Variants in BICDL1 observed in about 807,000 individuals in gnomAD.
BICDL1 encodes BICD family like cargo adaptor 1.
BICDL1 carries 20 observed loss-of-function variants against 76.8 expected under a neutral mutation model. That is an observed-to-expected ratio of 0.26 (90% CI 0.18 to 0.38). The LOEUF (loss-of-function observed/expected upper bound fraction) is 0.38, where lower values mean the gene tolerates loss of function less well. Among genes scored for constraint, BICDL1 ranks in the 10% least tolerant of loss-of-function variants. The pLI, the probability that BICDL1 is intolerant of heterozygous loss-of-function variation, is 1.00. For missense variants in BICDL1, 700 were observed against 798.6 expected, an observed-to-expected ratio of 0.88 and a Z score of 1.49; for synonymous variants, 383 against 337.1, an observed-to-expected ratio of 1.14 and a Z score of -1.49.
chr12:120,067,469 A>G (rs923782511), intron 4 of BICDL1, among the ~76,000 whole-genome samples: 1 of 152,238 alleles, frequency 6.6e-6, no homozygotes, highest in African/African-American at 2.4e-5. Context: ...CATACATATA[A>G]GTATACTTAG....
chr12:120,020,134 C>T (rs187208958), intron 2 of BICDL1, among the ~76,000 whole-genome samples: 55 of 152,300 alleles, frequency 3.6e-4, no homozygotes, highest in Middle Eastern at 3.4e-3. Flanking sequence ...CCAGGGCTCT[C>T]TGGAGAAATG....
At chr12:120,045,888 G>T (rs973591471) in intron 2 of BICDL1, among the ~76,000 whole-genome samples, 16 of 142,988 alleles carry the variant, frequency 1.1e-4, no homozygotes, top group Non-Finnish European at 2.1e-4. Flanking sequence ...CCTGCACATT[G>T]TGCACATGTA....
intron 2 of BICDL1, among the ~76,000 whole-genome samples, chr12:120,050,502 C>T (rs1398154382): frequency 2.6e-5 from 4 of 152,030 alleles, no homozygotes; most frequent in Admixed American, 6.6e-5. Context: ...CTCCTGACCT[C>T]GTGATCCACC....
intron 2 of BICDL1, among the ~76,000 whole-genome samples, chr12:120,061,049 G>C (rs1359217037): frequency 6.6e-6 from 1 of 152,222 alleles, no homozygotes; most frequent in Non-Finnish European, 1.5e-5. Flanking sequence ...GCTGGAGTTT[G>C]TGTTACCAGG....
chr12:120,085,468 A>G (rs912423170), intron 8 of BICDL1, among the ~76,000 whole-genome samples: 1 of 152,178 alleles, frequency 6.6e-6, no homozygotes, highest in African/African-American at 2.4e-5. Flanking sequence ...AAATTGTGTG[A>G]TGGAATAAAA....
chr12:120,053,291 T>C (rs1008411328), intron 2 of BICDL1, among the ~76,000 whole-genome samples: 1 of 151,418 alleles, frequency 6.6e-6, no homozygotes, highest in Admixed American at 6.6e-5. Flanking sequence ...TGCATATTGA[T>C]CAGGCTGGTC....
At chr12:120,050,940 T>A (rs1275477309) in intron 2 of BICDL1, among the ~76,000 whole-genome samples, 1 of 151,912 alleles carries the variant, frequency 6.6e-6, no homozygotes, top group African/African-American at 2.4e-5. Flanking sequence ...CCTGGGTTTT[T>A]AATTTTAAGT....
intron 2 of BICDL1, among the ~76,000 whole-genome samples, chr12:119,999,337 C>T (rs995128291): frequency 6.6e-6 from 1 of 152,100 alleles, no homozygotes; most frequent in Non-Finnish European, 1.5e-5. Flanking sequence ...TTTTATAGCT[C>T]TAAAAGTCTG....
intron 2 of BICDL1, among the ~76,000 whole-genome samples, chr12:120,053,476 A>G (rs1212184554): frequency 6.6e-6 from 1 of 151,718 alleles, no homozygotes; most frequent in African/African-American, 2.4e-5. Context: ...ACTCAGGAAT[A>G]TTTATCCTAT....
intron 2 of BICDL1, among the ~76,000 whole-genome samples, chr12:120,017,522 G>C (rs1952090171): frequency 6.6e-6 from 1 of 152,130 alleles, no homozygotes; most frequent in Admixed American, 6.6e-5. Flanking sequence ...TTGAGCCCAG[G>C]AGTTTGAGAA....
chr12:120,046,548 G>A (rs1952753649), intron 2 of BICDL1, among the ~76,000 whole-genome samples: 1 of 152,226 alleles, frequency 6.6e-6, no homozygotes, highest in Non-Finnish European at 1.5e-5. Flanking sequence ...AAGAACCTGA[G>A]ACACAGAGAA....
intron 2 of BICDL1, among the ~76,000 whole-genome samples, chr12:120,029,112 G>T (rs965115184): frequency 6.6e-6 from 1 of 152,166 alleles, no homozygotes; most frequent in African/African-American, 2.4e-5. Flanking sequence ...TGAGCTGAGG[G>T]TGCAGGGCCT....
At chr12:120,042,503 A>C (rs1048982746) in intron 2 of BICDL1, among the ~76,000 whole-genome samples, 1 of 152,092 alleles carries the variant, frequency 6.6e-6, no homozygotes, top group Non-Finnish European at 1.5e-5. Flanking sequence ...GTAGGCAGTT[A>C]GATATAAGAA....
chr12:120,015,485 C>T (rs747472918), intron 2 of BICDL1, among the ~76,000 whole-genome samples: 5 of 152,176 alleles, frequency 3.3e-5, no homozygotes, highest in Non-Finnish European at 7.3e-5. Flanking sequence ...CAGCTTTGAT[C>T]TCTCCTACTT....
Position 120,093,437 on chromosome 12 carries a change from A to C in BICDL1, c.*276A>C. On this transcript the variant is annotated 3_prime_UTR_variant, in exon 10 of 10. Transcript: ENST00000548673. ...CCACGTGCTTGAGCAGGGTTAGGCC[A>C]CCTCCCAGAGGGGCCCCTTGGTGTT... The C allele has an allele frequency of 2.3e-6, 1 of 443,492 alleles. No homozygotes were observed. Among genetic ancestry groups the C allele is most frequent in the Non-Finnish European group, 4.1e-6 (1 of 242,802 alleles). 27.5% of individuals were successfully genotyped at this position (443,492 alleles called of 1,614,324 possible). A position where few individuals can be genotyped will look rare whatever the true frequency, so the allele number is the denominator to read the frequency against.
intron 6 of BICDL1, among the ~76,000 whole-genome samples, chr12:120,073,695 T>C (rs1044514328): frequency 7.2e-5 from 11 of 152,322 alleles, no homozygotes; most frequent in Admixed American, 6.5e-4. Context: ...ACTTGTGTCT[T>C]TCTGCCTGTA....
chr12:120,029,630 G>A (rs911434358), intron 2 of BICDL1, among the ~76,000 whole-genome samples: 49 of 152,028 alleles, frequency 3.2e-4, no homozygotes, highest in African/African-American at 1.0e-3. Flanking sequence ...GTTTAATCCA[G>A]TGTTTCCCAA....
intron 1 of BICDL1, among the ~76,000 whole-genome samples, chr12:119,990,522 G>T (rs867027329): frequency 1.3e-5 from 2 of 152,144 alleles, no homozygotes; most frequent in African/African-American, 2.4e-5. Context: ...GGCTCCAGCC[G>T]CTGTGGGCCG....
intron 4 of BICDL1, among the ~76,000 whole-genome samples, chr12:120,068,580 C>T (rs903302366): frequency 6.6e-6 from 1 of 152,252 alleles, no homozygotes; most frequent in African/African-American, 2.4e-5. Flanking sequence ...CTTTGGGAAG[C>T]CGATATGGGC....
Sources: allele counts gnomAD v4.1 joint callset (sites outside exome capture counted in the v4.1 genomes callset), GRCh38; gene constraint gnomAD v4.1.1; transcripts MANE v1.5; gene names NCBI Gene and HGNC (gene_info 2026-07-23, HGNC 2026-07-21).